The following DACH1 variants were observed in gnomAD, a reference collection of about 807,000 sequenced individuals.
DACH1 encodes dachshund family transcription factor 1.
Under a neutral mutation model 54.2 loss-of-function variants are expected in DACH1, and 12 were observed. The observed-to-expected ratio is 0.22, with a 90% CI of 0.14 to 0.36. The LOEUF (loss-of-function observed/expected upper bound fraction) is 0.36, where lower values mean the gene tolerates loss of function less well. Among genes scored for constraint, DACH1 ranks in the 10% least tolerant of loss-of-function variants. The pLI is 1.00. For synonymous variants in DACH1, 386 were observed against 366.2 expected, an observed-to-expected ratio of 1.05 and a Z score of -0.62; for missense variants, 805 against 929.8, an observed-to-expected ratio of 0.87 and a Z score of 1.75.
At chr13:71,466,022 C>A (rs1377425281) in intron 10 of DACH1, among the ~76,000 whole-genome samples, 1 of 152,082 alleles carries the variant, frequency 6.6e-6, no homozygotes, top group Non-Finnish European at 1.5e-5. Flanking sequence ...TTCTTTCTTA[C>A]AAAGGTAATC....
intron 2 of DACH1, 24 bp downstream of exon 2, chr13:71,681,771 G>C (rs1250239116): frequency 6.5e-7 from 1 of 1,540,120 alleles, no homozygotes; most frequent in Admixed American, 1.7e-5. Context: ...AATATTTTTT[G>C]GCATAAGTGA....
chr13:71,803,968 G>A (rs1362181451), intron 1 of DACH1, among the ~76,000 whole-genome samples: 1 of 152,144 alleles, frequency 6.6e-6, no homozygotes, highest in East Asian at 1.9e-4. Context: ...GTACTATGCT[G>A]AGAAGGCTAC....
At chr13:71,551,049 T>C (rs994640091) in intron 6 of DACH1, among the ~76,000 whole-genome samples, 1 of 152,116 alleles carries the variant, frequency 6.6e-6, no homozygotes, top group Non-Finnish European at 1.5e-5. Flanking sequence ...CAATTCTATA[T>C]AGACACAGGA....
intron 3 of DACH1, among the ~76,000 whole-genome samples, chr13:71,590,930 G>A (rs1873668191): frequency 7.0e-6 from 1 of 141,944 alleles, no homozygotes. Flanking sequence ...CCAGGCGGGA[G>A]TGCAGGGGCG....
chr13:71,785,561 G>T (rs564421694), intron 1 of DACH1, among the ~76,000 whole-genome samples: 1 of 152,280 alleles, frequency 6.6e-6, no homozygotes, highest in South Asian at 2.1e-4. Flanking sequence ...CTAAAGCCGT[G>T]TGTACTCTTG....
intron 6 of DACH1, among the ~76,000 whole-genome samples, chr13:71,532,989 A>G (rs1251336830): frequency 6.6e-6 from 1 of 151,922 alleles, no homozygotes; most frequent in Non-Finnish European, 1.5e-5. Flanking sequence ...AGAAACATGT[A>G]GGAGATATTT....
At chr13:71,552,874 GAGAGAGAA>G (rs1883968505) in intron 6 of DACH1, among the ~76,000 whole-genome samples, 1 of 130,174 alleles carries the variant, frequency 7.7e-6, no homozygotes, top group African/African-American at 2.9e-5. Flanking sequence ...GAGAGAGAGA[GAGAGAGAA>G]AGAGACAGAA....
chr13:71,582,451 AG>A (rs1286738857), intron 3 of DACH1, among the ~76,000 whole-genome samples: 1 of 152,196 alleles, frequency 6.6e-6, no homozygotes, highest in Non-Finnish European at 1.5e-5. Flanking sequence ...TATTTAAGGT[AG>A]ACAGCCTAAA....
intron 2 of DACH1, among the ~76,000 whole-genome samples, chr13:71,637,184 C>A (rs962962538): frequency 6.6e-6 from 1 of 151,934 alleles, no homozygotes; most frequent in East Asian, 1.9e-4. Context: ...GATGGCGCAG[C>A]GAGTTATATA....
intron 10 of DACH1, among the ~76,000 whole-genome samples, chr13:71,444,874 T>C (rs1874310873): frequency 6.6e-6 from 1 of 152,106 alleles, no homozygotes; most frequent in South Asian, 2.1e-4. Context: ...AAACTCTATA[T>C]TGTGTTGGAA....
rs566592261 is a variant in DACH1, at chr13:71,508,411, A to G, written c.1571-19263T>C. Among the ~76,000 whole-genome samples, 10 of 152,192 alleles carry G rather than the reference A, an allele frequency of 6.6e-5. No individual in the cohort carries two copies. The East Asian group carries it at 1.9e-3, about 29-fold the overall frequency. ...AACAAAAGAATAACTTGTACTTGTT[A>G]GTATCATTTTATATGCATGGAAGAC... On this transcript the variant is annotated intron_variant, in intron 6 of 10. Coordinates refer to ENST00000613252, the MANE Select transcript of DACH1 (RefSeq NM_080759.6).
At chr13:71,554,111 T>C (rs546485898) in intron 6 of DACH1, among the ~76,000 whole-genome samples, 82 of 152,150 alleles carry the variant, frequency 5.4e-4, no homozygotes, top group Non-Finnish European at 6.6e-4. Flanking sequence ...GTTACAGGGA[T>C]ATTATGAGGC....
chr13:71,488,002 A>T (rs1878678455), intron 7 of DACH1, among the ~76,000 whole-genome samples: 1 of 152,038 alleles, frequency 6.6e-6, no homozygotes, highest in African/African-American at 2.4e-5. Flanking sequence ...AGTTCTGGAG[A>T]CTCTAATTAC....
In DACH1 at chr13:71,550,491, C is replaced by T. The variant is rs187839434; in HGVS notation, c.1570+6533G>A. 5.7e-3 allele frequency among the ~76,000 whole-genome samples: 865 copies of T among 152,100 alleles called. 5 individuals carry two copies. The highest frequency in any genetic ancestry group is 8.7e-3 in the Non-Finnish European group (589 of 67,970). ...TGAGAAACTTGAAAGTTCAGTGTGA[C>T]GTGATGGTCATCAAGGCGCATGGGT... is the stretch of plus-strand genomic sequence containing the variant. On this transcript the variant is annotated intron_variant, in intron 6 of 10. Transcript: ENST00000613252.
intron 2 of DACH1, among the ~76,000 whole-genome samples, chr13:71,649,351 T>C (rs1404588231): frequency 2.0e-5 from 3 of 152,170 alleles, no homozygotes; most frequent in East Asian, 1.9e-4. Context: ...TGAATGTACA[T>C]GAATGGATGA....
chr13:71,786,347 G>A (rs543969355), intron 1 of DACH1, among the ~76,000 whole-genome samples: 10 of 152,234 alleles, frequency 6.6e-5, no homozygotes, highest in Non-Finnish European at 8.8e-5. Context: ...TTAATGCCTT[G>A]CATCCCATCA....
At chr13:71,671,153 A>G (rs2138676211) in intron 2 of DACH1, among the ~76,000 whole-genome samples, 1 of 152,084 alleles carries the variant, frequency 6.6e-6, no homozygotes, top group African/African-American at 2.4e-5. Context: ...ACAACTTTAA[A>G]TATTTCTTTA....
Position 71,749,792 on chromosome 13 carries a change from C to T in DACH1, c.849-67882G>A, listed in dbSNP as rs78603212. On this transcript the variant is annotated intron_variant, in intron 1 of 10. Coordinates refer to ENST00000613252, the MANE Select transcript of DACH1 (RefSeq NM_080759.6). ...ACACGAGTTCCGTAACCGTCATCTC[C>T]AAGCTTCACAACAACTCCATGCTAT... 4.8e-3 allele frequency among the ~76,000 whole-genome samples: 730 copies of T among 152,212 alleles called. 9 individuals carry two copies. The highest frequency in any genetic ancestry group is 0.017 in the African/African-American group (694 of 41,540).
intron 1 of DACH1, among the ~76,000 whole-genome samples, chr13:71,792,912 A>T (rs1886892827): frequency 6.6e-6 from 1 of 152,156 alleles, no homozygotes; most frequent in South Asian, 2.1e-4. Context: ...GAAAGAGGTA[A>T]GTAGCCTACA....
Sources: gnomAD v4.1 joint callset for allele counts (sites outside exome capture counted in the v4.1 genomes callset) on GRCh38, gnomAD v4.1.1 for gene constraint, MANE v1.5 for transcripts, NCBI Gene and HGNC (gene_info 2026-07-23, HGNC 2026-07-21) for gene names.